STXBP5L: variants seen among roughly 807,000 people sequenced by gnomAD.
STXBP5L encodes the protein syntaxin binding protein 5L.
A neutral mutation model predicts 144.5 loss-of-function variants in STXBP5L; 65 were observed. The ratio of observed to expected loss-of-function variants is 0.45; its 90% CI spans 0.37 to 0.55. The LOEUF is 0.55. Among genes scored for constraint, STXBP5L ranks in the 20% least tolerant of loss-of-function variants. The pLI, the probability that STXBP5L is intolerant of heterozygous loss-of-function variation, is 0.00. For missense variants in STXBP5L, 1,298 were observed against 1,405.5 expected, an observed-to-expected ratio of 0.92 and a Z score of 1.22; for synonymous variants, 505 against 469.6, an observed-to-expected ratio of 1.08 and a Z score of -0.97.
At chr3:121,066,314 T>C (rs1449387922) in intron 5 of STXBP5L, among the ~76,000 whole-genome samples, 1 of 151,858 alleles carries the variant, frequency 6.6e-6, no homozygotes. Context: ...TGGTAGACGT[T>C]CTTTGTAAGA....
intron 7 of STXBP5L, among the ~76,000 whole-genome samples, chr3:121,133,706 ACTAT>A (rs1360059334): frequency 6.6e-6 from 1 of 152,228 alleles, no homozygotes; most frequent in Middle Eastern, 3.2e-3. Context: ...CTAGAAAGAT[ACTAT>A]CTGAGACTGG....
intron 22 of STXBP5L, among the ~76,000 whole-genome samples, chr3:121,382,605 C>T (rs1211493467): frequency 1.3e-5 from 2 of 151,766 alleles, no homozygotes; most frequent in African/African-American, 4.8e-5. Flanking sequence ...TAATATGTAC[C>T]GGGCATTCCT....
intron 9 of STXBP5L, among the ~76,000 whole-genome samples, chr3:121,186,376 A>C (rs1246830081): frequency 1.3e-5 from 2 of 152,018 alleles, no homozygotes; most frequent in Non-Finnish European, 2.9e-5. Context: ...TCTTGTGCCC[A>C]TTTTCAAAGG....
rs138131432 is a variant in STXBP5L, at chr3:121,389,254, A to G, written c.2587+7722A>G. Among the ~76,000 whole-genome samples, 1,109 of 152,062 alleles carry G rather than the reference A, an allele frequency of 7.3e-3. 13 individuals carry two copies. Among genetic ancestry groups the G allele is most frequent in the African/African-American group, 0.026 (1,064 of 41,474 alleles). On this transcript the variant is annotated intron_variant, in intron 22 of 26. Coordinates refer to ENST00000471454, the MANE Select transcript of STXBP5L (RefSeq NM_001308330.2). ...TGGTGATATCCCTTTTATCATTTTT[A>G]TTGCGTCTACTTGATTCTTCTCTCT...
chr3:121,373,677 G>C (rs1205340463), intron 20 of STXBP5L, among the ~76,000 whole-genome samples: 1 of 151,982 alleles, frequency 6.6e-6, no homozygotes, highest in East Asian at 1.9e-4. Flanking sequence ...GCCCCACCCA[G>C]GGGAGCAGGG....
At chr3:121,257,535 T>A (rs1399892673) in intron 17 of STXBP5L, among the ~76,000 whole-genome samples, 1 of 152,184 alleles carries the variant, frequency 6.6e-6, no homozygotes, top group Non-Finnish European at 1.5e-5. Flanking sequence ...ATTTATATAT[T>A]TCCTTCCCAG....
intron 18 of STXBP5L, among the ~76,000 whole-genome samples, chr3:121,265,680 G>T (rs1342741131): frequency 6.6e-6 from 1 of 152,068 alleles, no homozygotes; most frequent in Admixed American, 6.6e-5. Context: ...AATGAATCCA[G>T]GAGCTGGTTT....
At chr3:121,383,112 T>A (rs918646890) in intron 22 of STXBP5L, among the ~76,000 whole-genome samples, 2 of 151,966 alleles carry the variant, frequency 1.3e-5, no homozygotes, top group Non-Finnish European at 2.9e-5. Flanking sequence ...TGAGACCCCA[T>A]CACTACCAAA....
At chr3:121,004,725 A>C (rs952594198) in intron 3 of STXBP5L, among the ~76,000 whole-genome samples, 1 of 152,160 alleles carries the variant, frequency 6.6e-6, no homozygotes, top group African/African-American at 2.4e-5. Context: ...GATACGTCCC[A>C]TGAATACCTA....
chr3:121,259,811 T>G (rs2050328140), intron 18 of STXBP5L, among the ~76,000 whole-genome samples: 1 of 148,870 alleles, frequency 6.7e-6, no homozygotes. Flanking sequence ...TTGTTCCTGG[T>G]TTTTTTTTTA....
intron 7 of STXBP5L, among the ~76,000 whole-genome samples, chr3:121,144,818 T>C (rs910327461): frequency 6.6e-6 from 1 of 151,930 alleles, no homozygotes; most frequent in Non-Finnish European, 1.5e-5. Context: ...TGGAATACTT[T>C]TCAGCCTTAA....
At chr3:121,408,418 C>A (rs2047042900) in intron 23 of STXBP5L, among the ~76,000 whole-genome samples, 1 of 151,720 alleles carries the variant, frequency 6.6e-6, no homozygotes, top group African/African-American at 2.4e-5. Context: ...TGGTCCTAAC[C>A]CTTAAGAAAC....
chr3:121,051,304 C>T (rs1321073197), intron 5 of STXBP5L, among the ~76,000 whole-genome samples: 1 of 152,138 alleles, frequency 6.6e-6, no homozygotes, highest in African/African-American at 2.4e-5. Context: ...CACCACACCA[C>T]ACCTATTCCA....
intron 20 of STXBP5L, among the ~76,000 whole-genome samples, chr3:121,338,146 C>T (rs532043755): frequency 6.6e-6 from 1 of 151,802 alleles, no homozygotes; most frequent in Non-Finnish European, 1.5e-5. Context: ...CCTCAAGGAA[C>T]CAGAGAAGCA....
At chr3:121,210,411 C>T (rs1273009298) in intron 10 of STXBP5L, among the ~76,000 whole-genome samples, 2 of 151,794 alleles carry the variant, frequency 1.3e-5, no homozygotes, top group Non-Finnish European at 2.9e-5. Flanking sequence ...GTTTCTTTTG[C>T]TGTGCAGAAG....
rs149494399 is a variant in STXBP5L at position 121,025,690 on chromosome 3, G to A, written c.288-16010G>A. Among the ~76,000 whole-genome samples the A allele has an allele frequency of 3.0e-3, 458 of 151,600 alleles. 3 individuals carry two copies. Among genetic ancestry groups the A allele is most frequent in the African/African-American group, 0.01 (427 of 41,420 alleles). ...TAGTTTCTGTAAACCGTGAACTGTT[G>A]ACTCAGATATATTTTTACCTGGTAC... is the stretch of plus-strand genomic sequence containing the variant. On this transcript the variant is annotated intron_variant, in intron 3 of 26. Transcript: ENST00000471454.
chr3:121,251,887 A>G (rs1271829975), intron 15 of STXBP5L, among the ~76,000 whole-genome samples: 1 of 152,208 alleles, frequency 6.6e-6, no homozygotes, highest in Non-Finnish European at 1.5e-5. Context: ...ACACATTCTG[A>G]AGTCCCCTTC....
chr3:121,411,699 T>C (rs189247675), intron 23 of STXBP5L, among the ~76,000 whole-genome samples: 2 of 152,162 alleles, frequency 1.3e-5, no homozygotes, highest in African/African-American at 4.8e-5. Flanking sequence ...TGGCCATATT[T>C]ACTTATTAGT....
intron 19 of STXBP5L, among the ~76,000 whole-genome samples, chr3:121,303,355 A>G (rs1194451970): frequency 1.6e-4 from 24 of 152,102 alleles, no homozygotes; most frequent in East Asian, 1.9e-4. Context: ...TTAGAATGGC[A>G]ATCATTAAAA....
Sources: allele counts gnomAD v4.1 joint callset (sites outside exome capture counted in the v4.1 genomes callset), GRCh38; gene constraint gnomAD v4.1.1; transcripts MANE v1.5; gene names NCBI Gene and HGNC (gene_info 2026-07-23, HGNC 2026-07-21).